The following PHEX variants were observed in gnomAD, a reference collection of about 807,000 sequenced individuals.
PHEX encodes the protein phosphate-regulating neutral endopeptidase PHEX.
A neutral mutation model predicts 68.0 loss-of-function variants in PHEX; 16 were observed. The ratio of observed to expected loss-of-function variants is 0.24; its 90% CI spans 0.16 to 0.36. The LOEUF (loss-of-function observed/expected upper bound fraction) is 0.36, where lower values mean the gene tolerates loss of function less well. Among genes scored for constraint, PHEX ranks in the 10% least tolerant of loss-of-function variants. PHEX has a pLI of 1.00. For missense variants in PHEX, 480 were observed against 575.5 expected, an observed-to-expected ratio of 0.83 and a Z score of 1.70; for synonymous variants, 208 against 205.1, an observed-to-expected ratio of 1.01 and a Z score of -0.12.
Position 22,128,347 on chromosome X carries a change from G to A in PHEX, c.1303-5176G>A, listed in dbSNP as rs185227343. 2.3e-4 allele frequency among the ~76,000 whole-genome samples: 25 copies of A among 110,753 alleles called. No individual in the cohort carries two copies. In the East Asian group the frequency reaches 6.5e-3, roughly 29 times the overall value. Reference sequence around the variant, plus strand: ...CAAAGTGCTGGGATTACAGGCGTGAGCCACTGCACCCGCCCTGAAAACCTT... The same window carrying A: ...CAAAGTGCTGGGATTACAGGCGTGAACCACTGCACCCGCCCTGAAAACCTT... On this transcript the variant is annotated intron_variant, in intron 11 of 21. Transcript: ENST00000379374.
intron 11 of PHEX, among the ~76,000 whole-genome samples, chrX:22,116,742 G>A (rs1185879828): frequency 9.0e-6 from 1 of 111,290 alleles, no homozygotes; most frequent in African/African-American, 3.3e-5. Context: ...CACGTACTGA[G>A]TAGCTAGGTT....
intron 5 of PHEX, among the ~76,000 whole-genome samples, chrX:22,084,097 A>G (rs1460237762): frequency 9.0e-6 from 1 of 111,640 alleles, no homozygotes; most frequent in Non-Finnish European, 1.9e-5. Context: ...TGATTATGTG[A>G]TTTTTGTTCC....
rs200800967 is a variant in PHEX, at chrX:22,194,183, G to GT, written c.1645+3689dup. Among the ~76,000 whole-genome samples the GT allele has an allele frequency of 3.1e-3, 345 of 111,623 alleles. 3 individuals carry two copies. The highest frequency in any genetic ancestry group is 0.011 in the African/African-American group (329 of 30,733). ...TTTCATGAAAGCTCATGGGCAGAGG[G>GT]TTTTTTTTAAAATGAACAATTTGAA... On this transcript the variant is annotated intron_variant, in intron 15 of 21. Coordinates refer to ENST00000379374, the MANE Select transcript of PHEX (RefSeq NM_000444.6).
chrX:22,128,352 T>G lies in PHEX; in HGVS notation c.1303-5171T>G, dbSNP rs758424008. On this transcript the variant is annotated intron_variant, in intron 11 of 21. Coordinates refer to ENST00000379374, the MANE Select transcript of PHEX (RefSeq NM_000444.6). The stretch of plus-strand genomic sequence containing the variant: ...TGCTGGGATTACAGGCGTGAGCCAC[T>G]GCACCCGCCCTGAAAACCTTTTCAA... Among the ~76,000 whole-genome samples the G allele has an allele frequency of 1.5e-3, 168 of 110,815 alleles. 1 individual carries two copies. The highest frequency in any genetic ancestry group is 5.0e-3 in the African/African-American group (153 of 30,578).
At chrX:22,079,179 T>C (rs896291663) in intron 5 of PHEX, among the ~76,000 whole-genome samples, 2 of 112,358 alleles carry the variant, frequency 1.8e-5, no homozygotes, top group Admixed American at 9.4e-5. Flanking sequence ...TGATAGAAGA[T>C]CTTGATTCAC....
At chrX:22,166,432 G>A (rs768387158) in intron 12 of PHEX, among the ~76,000 whole-genome samples, 18 of 110,239 alleles carry the variant, frequency 1.6e-4, no homozygotes, top group Non-Finnish European at 2.1e-4. Flanking sequence ...TAAATTACTC[G>A]CCCTCTCTCC....
intron 16 of PHEX, among the ~76,000 whole-genome samples, chrX:22,216,511 ATTTATTT>A (rs1935099768): frequency 9.5e-6 from 1 of 105,565 alleles, no homozygotes; most frequent in Non-Finnish European, 1.9e-5. Context: ...TTATTTATTT[ATTTATTT>A]ATTTATTTAT....
At chrX:22,105,160 G>A (rs183124036) in intron 9 of PHEX, among the ~76,000 whole-genome samples, 207 of 112,046 alleles carry the variant, frequency 1.8e-3, no homozygotes, top group Admixed American at 3.2e-3. Flanking sequence ...GAGTTTGTCA[G>A]AAATGCAGAC....
chrX:22,147,017 G>A (rs1008162209), intron 12 of PHEX, among the ~76,000 whole-genome samples: 2 of 110,847 alleles, frequency 1.8e-5, no homozygotes, highest in African/African-American at 6.5e-5. Flanking sequence ...GTTGGGAAAT[G>A]CCACAATAGC....
chrX:22,052,225 A>C lies in PHEX; in HGVS notation c.349+5014A>C, dbSNP rs994816255. On this transcript the variant is annotated intron_variant, in intron 3 of 21. Coordinates refer to ENST00000379374, the MANE Select transcript of PHEX (RefSeq NM_000444.6). Reference sequence around the variant, plus strand: ...TCATATAATACATTCTATTTAATTAATTTATTTACTTATTTATTTATGACA... The same window carrying C: ...TCATATAATACATTCTATTTAATTACTTTATTTACTTATTTATTTATGACA... Among the ~76,000 whole-genome samples, 15 of 112,104 alleles carry C rather than the reference A, an allele frequency of 1.3e-4. No individual in the cohort carries two copies. In the Admixed American group the frequency reaches 1.4e-3, roughly 11 times the overall value.
intron 11 of PHEX, among the ~76,000 whole-genome samples, chrX:22,122,522 A>G (rs983164688): frequency 4.5e-5 from 5 of 112,128 alleles, no homozygotes; most frequent in African/African-American, 9.7e-5. Flanking sequence ...TCTTACCAAC[A>G]TGGGCAAATC....
intron 14 of PHEX, among the ~76,000 whole-genome samples, chrX:22,181,783 A>G (rs150980295): frequency 0.024 from 2,688 of 110,803 alleles, 64 homozygotes; most frequent in African/African-American, 0.084. Flanking sequence ...CATTGTGGAG[A>G]CCTTTCACTT....
chrX:22,055,174 C>CAAAAAAAA lies in PHEX; in HGVS notation c.349+7997_349+8004dup, dbSNP rs111628195. 2.5e-3 allele frequency among the ~76,000 whole-genome samples: 162 copies of CAAAAAAAA among 66,064 alleles called. 18 individuals are homozygous for CAAAAAAAA. The highest frequency in any genetic ancestry group is 3.5e-3 in the Non-Finnish European group (116 of 33,142). 57.4% of individuals were successfully genotyped at this position (66,064 alleles called of 115,157 possible). A position where few individuals can be genotyped will look rare whatever the true frequency, so the allele number is the denominator to read the frequency against. On this transcript the variant is annotated intron_variant, in intron 3 of 21. Coordinates refer to ENST00000379374, the MANE Select transcript of PHEX (RefSeq NM_000444.6). ...CGGGCAACAGAGAGAGACTCCAGCT[C>CAAAAAAAA]AAAAAAAAAAAAAAAAAAAAAAAAA... is the stretch of plus-strand genomic sequence containing the variant.
At chrX:22,191,933 TATATCAA>T (rs1934211155) in intron 15 of PHEX, among the ~76,000 whole-genome samples, 2 of 112,112 alleles carry the variant, frequency 1.8e-5, no homozygotes, top group Non-Finnish European at 3.8e-5. Context: ...CTTGGGAAAA[TATATCAA>T]GTATGATACT....
chrX:22,127,344 C>T (rs1931781959), intron 11 of PHEX, among the ~76,000 whole-genome samples: 1 of 111,439 alleles, frequency 9.0e-6, no homozygotes, highest in African/African-American at 3.3e-5. Flanking sequence ...AAGACTTCCA[C>T]TTTAAGGGAT....
At chrX:22,219,428 A>G (rs749841156) in intron 17 of PHEX, among the ~76,000 whole-genome samples, 26 of 112,334 alleles carry the variant, frequency 2.3e-4, no homozygotes, top group African/African-American at 7.4e-4. Context: ...TTTGTCATTT[A>G]TTCATTGTCT....
At chrX:22,074,491 G>A (rs916289435) in intron 3 of PHEX, among the ~76,000 whole-genome samples, 1 of 110,449 alleles carries the variant, frequency 9.1e-6, no homozygotes, top group African/African-American at 3.3e-5. Context: ...AGCATGCCTT[G>A]GAAGCAGACA....
intron 20 of PHEX, among the ~76,000 whole-genome samples, chrX:22,243,260 C>T (rs375755109): frequency 8.9e-6 from 1 of 111,871 alleles, no homozygotes. Context: ...CCCTTCCTTA[C>T]ACCTTAAACA....
At chrX:22,126,950 C>A (rs1476711731) in intron 11 of PHEX, among the ~76,000 whole-genome samples, 4 of 95,969 alleles carry the variant, frequency 4.2e-5, no homozygotes, top group African/African-American at 1.6e-4. Context: ...CAGCTCACTG[C>A]ACCCTCCACC....
Sources: gnomAD v4.1 joint callset for allele counts (sites outside exome capture counted in the v4.1 genomes callset) on GRCh38, gnomAD v4.1.1 for gene constraint, MANE v1.5 for transcripts, NCBI Gene and HGNC (gene_info 2026-07-23, HGNC 2026-07-21) for gene names.